Variants in UBE4B observed in about 807,000 individuals in gnomAD.
The protein encoded by UBE4B is ubiquitination factor E4B.
Under a neutral mutation model 148.1 loss-of-function variants are expected in UBE4B, and 27 were observed. The ratio of observed to expected loss-of-function variants is 0.18; its 90% confidence interval spans 0.13 to 0.25. The LOEUF is 0.25. Among genes scored for constraint, UBE4B ranks in the 10% least tolerant of loss-of-function variants. The probability of loss-of-function intolerance (pLI) is 1.00; values close to 1 mark genes in which losing one functional copy is unlikely to be tolerated. For synonymous variants in UBE4B, 596 were observed against 619.3 expected (o/e 0.96, Z 0.56); for missense variants, 1,170 against 1,662.4 (o/e 0.70, Z 5.15).
chr1:10,175,247 T>C (rs1177316998), intron 25 of UBE4B, among the ~76,000 whole-genome samples: 2 of 152,148 alleles, frequency 1.3e-5, no homozygotes, highest in Non-Finnish European at 2.9e-5. Flanking sequence ...TGTGTCTTTA[T>C]GGGCAGACGC....
chr1:10,088,932 A>G (rs916867065), intron 2 of UBE4B, among the ~76,000 whole-genome samples: 1 of 149,464 alleles, frequency 6.7e-6, no homozygotes, highest in Non-Finnish European at 1.5e-5. Context: ...TCCCACCTCA[A>G]CCTCTCAATG....
chr1:10,179,253 T>C, intron 26 of UBE4B, 163 bp from the exon 27 acceptor site: 1 of 812,736 alleles, frequency 1.2e-6, no homozygotes, highest in South Asian at 1.8e-5. Context: ...GCAATGTATA[T>C]GCCTTTATTG....
chr1:10,167,127 A>G (rs544189340), intron 23 of UBE4B, among the ~76,000 whole-genome samples: 6 of 149,318 alleles, frequency 4.0e-5, no homozygotes, highest in Non-Finnish European at 7.4e-5. Context: ...GGAAGACTCC[A>G]TCTCAAAAAA....
At chr1:10,075,283 C>G (rs371794066) in intron 2 of UBE4B, among the ~76,000 whole-genome samples, 31 of 152,200 alleles carry the variant, frequency 2.0e-4, no homozygotes, top group African/African-American at 7.5e-4. Context: ...GCTTGCTTGG[C>G]CCTGCTCTAG....
chr1:10,133,418 G>A (rs1443992480), intron 15 of UBE4B, among the ~76,000 whole-genome samples: 1 of 152,166 alleles, frequency 6.6e-6, no homozygotes, highest in African/African-American at 2.4e-5. Flanking sequence ...TTAGAGTGGT[G>A]CCTGGTACAC....
rs1225266766 is a variant in UBE4B, at chr1:10,161,729, T to C, written c.3198+443T>C. On this transcript the variant is annotated intron_variant, in intron 23 of 27. Coordinates refer to ENST00000343090, the MANE Select transcript of UBE4B (RefSeq NM_001105562.3). This position sits in a 1 kb window ranked among gnomAD's most constrained non-coding sequence, Gnocchi z 4.1. ...TTCCCTTTCAGTTGATCTTGGGTTT[T>C]ATATTCAGTTATTAATAGAAAAGAG... is the stretch of plus-strand genomic sequence containing the variant. Among the ~76,000 whole-genome samples the C allele has an allele frequency of 2.6e-5, 4 of 152,184 alleles. No homozygotes were observed. The highest frequency in any genetic ancestry group is 5.9e-5 in the Non-Finnish European group (4 of 68,046).
intron 9 of UBE4B, among the ~76,000 whole-genome samples, chr1:10,121,434 A>G (rs1645409523): frequency 1.3e-5 from 2 of 152,190 alleles, no homozygotes; most frequent in African/African-American, 2.4e-5. Context: ...TTTAAGAGAC[A>G]GAATCTCACT....
chr1:10,124,603 CTG>C (rs1458818257), intron 10 of UBE4B, among the ~76,000 whole-genome samples: 3 of 152,162 alleles, frequency 2.0e-5, no homozygotes, highest in African/African-American at 7.2e-5. Flanking sequence ...GGAATGATAA[CTG>C]GGATGGAGCT....
rs1326191541 is a variant in UBE4B at position 10,044,837 on chromosome 1, CCT to C, written c.24+11147_24+11148del. On this transcript the variant is annotated intron_variant, in intron 1 of 27. Transcript: ENST00000343090. ...AGCTCAAGCAGTCCACCCACCTCAG[CCT>C]CTCAAAGTGCTGGGATTACAGGCAT... is the stretch of plus-strand genomic sequence containing the variant. 2.6e-5 allele frequency among the ~76,000 whole-genome samples: 4 copies of C among 152,258 alleles called. No homozygotes were observed. In the South Asian group the frequency reaches 6.2e-4, roughly 24 times the overall value.
rs146601338 is a variant in UBE4B, at chr1:10,143,705, G to A, written c.2364-1235G>A. Among the ~76,000 whole-genome samples the A allele has an allele frequency of 1.4e-4, 22 of 152,288 alleles. 1 individual carries two copies. The highest frequency in any genetic ancestry group is 5.1e-4 in the African/African-American group (21 of 41,568). ...CCATACTCATGTTTCAGTTGTAGAC[G>A]AAAGAATCCAATTCTTCTGGGATAA... On this transcript the variant is annotated intron_variant, in intron 17 of 27. Coordinates refer to ENST00000343090, the MANE Select transcript of UBE4B (RefSeq NM_001105562.3).
chr1:10,133,589 C>T (rs1057486590), intron 15 of UBE4B, among the ~76,000 whole-genome samples: 8 of 152,166 alleles, frequency 5.3e-5, no homozygotes, highest in African/African-American at 1.9e-4. Context: ...AGTGGAGCAA[C>T]TTGTTTTGAT....
intron 1 of UBE4B, among the ~76,000 whole-genome samples, chr1:10,043,545 G>A (rs1450715340): frequency 6.7e-6 from 1 of 148,840 alleles, no homozygotes; most frequent in Non-Finnish European, 1.5e-5. Flanking sequence ...TCCTGCCTCA[G>A]CCTCCCAAGT....
In UBE4B at chr1:10,180,774, C is replaced by T. The variant is rs536400718; in HGVS notation, c.*818C>T. The T allele has an allele frequency of 6.6e-6, 1 of 151,936 alleles. No individual in the cohort carries two copies. Among genetic ancestry groups the T allele is most frequent in the South Asian group, 2.1e-4 (1 of 4,800 alleles). 9.4% of individuals were successfully genotyped at this position (151,936 alleles called of 1,614,324 possible). A position where few individuals can be genotyped will look rare whatever the true frequency, so the allele number is the denominator to read the frequency against. On this transcript the variant is annotated 3_prime_UTR_variant, in exon 28 of 28. Transcript: ENST00000343090. ...TGTAAGTGTATCAGGACTTATGTGA[C>T]TTATATTTTGGGGAGATGAGGGTTG...
chr1:10,175,677 A>AAAAG lies in UBE4B; in HGVS notation c.3526-2963_3526-2960dup, dbSNP rs202107114. 3.8e-3 allele frequency among the ~76,000 whole-genome samples: 575 copies of AAAAG among 152,126 alleles called. 16 individuals are homozygous for AAAAG. Among genetic ancestry groups the AAAAG allele is most frequent in the Admixed American group, 0.034 (516 of 15,296 alleles). ...AATAAATAAATAAATAAATAAATAAAAAAGAAAATAAAAAAAATAAAAATC... is the reference window on the plus strand; with the variant it reads ...AATAAATAAATAAATAAATAAATAAAAAAGAAAGAAAATAAAAAAAATAAAAATC... On this transcript the variant is annotated intron_variant, in intron 25 of 27. Coordinates refer to ENST00000343090, the MANE Select transcript of UBE4B (RefSeq NM_001105562.3).
intron 7 of UBE4B, chr1:10,107,247 C>CT: frequency 7.8e-7 from 1 of 1,289,596 alleles, no homozygotes; most frequent in Non-Finnish European, 1.0e-6. Flanking sequence ...TTTCTCCTTC[C>CT]TCTTCCTCGC....
intron 2 of UBE4B, among the ~76,000 whole-genome samples, chr1:10,078,604 T>TA (rs1644624017): frequency 6.6e-6 from 1 of 152,212 alleles, no homozygotes; most frequent in Non-Finnish European, 1.5e-5. Context: ...GTTTTGGAAT[T>TA]ATGCTTGTCT....
intron 2 of UBE4B, among the ~76,000 whole-genome samples, chr1:10,081,120 T>C (rs1400559334): frequency 6.6e-6 from 1 of 152,196 alleles, no homozygotes; most frequent in Non-Finnish European, 1.5e-5. Context: ...TGGCATACAA[T>C]GGCACGATCT....
intron 25 of UBE4B, among the ~76,000 whole-genome samples, chr1:10,175,633 A>G (rs955852303): frequency 6.6e-6 from 1 of 152,140 alleles, no homozygotes; most frequent in African/African-American, 2.4e-5. Flanking sequence ...CCTGGGCGAC[A>G]GAGCGAGACT....
At chr1:10,090,793 TTGTGTGTGTG>T (rs57486350) in intron 2 of UBE4B, among the ~76,000 whole-genome samples, 32 of 141,508 alleles carry the variant, frequency 2.3e-4, no homozygotes, top group East Asian at 6.3e-4. Context: ...GCCTATGCAT[TTGTGTGTGTG>T]TGTGTGTGTG....
Sources: allele counts gnomAD v4.1 joint callset (sites outside exome capture counted in the v4.1 genomes callset), GRCh38; gene constraint gnomAD v4.1.1; non-coding constraint Gnocchi (gnomAD v3.1); transcripts MANE v1.5; gene names NCBI Gene and HGNC (gene_info 2026-07-23, HGNC 2026-07-21).